BTBD9: variants seen among roughly 807,000 people sequenced by gnomAD.
BTBD9 encodes BTB/POZ domain-containing protein 9.
BTBD9 carries 49 observed loss-of-function variants against 64.3 expected under a neutral mutation model. The observed-to-expected ratio is 0.76, with a 90% CI of 0.61 to 0.97. The LOEUF (loss-of-function observed/expected upper bound fraction) is 0.97. Ranked by LOEUF, BTBD9 falls within the 50% of genes least tolerant of loss-of-function variation. The pLI is 0.00. For missense variants in BTBD9, 598 were observed against 762.1 expected (o/e 0.78, Z 2.53); for synonymous variants, 260 against 274.7 (o/e 0.95, Z 0.53).
intron 9 of BTBD9, among the ~76,000 whole-genome samples, chr6:38,208,862 C>G (rs1762741404): frequency 6.6e-6 from 1 of 152,162 alleles, no homozygotes; most frequent in Non-Finnish European, 1.5e-5. Flanking sequence ...CCAAGTTGAT[C>G]TAACCTGACT....
intron 9 of BTBD9, among the ~76,000 whole-genome samples, chr6:38,196,859 C>G (rs1395257227): frequency 6.6e-6 from 1 of 152,034 alleles, no homozygotes; most frequent in Non-Finnish European, 1.5e-5. Flanking sequence ...GTGCCCAGAC[C>G]CACCCACAAA....
chr6:38,594,977 A>T (rs1554178853), intron 2 of BTBD9, among the ~76,000 whole-genome samples: 1 of 152,194 alleles, frequency 6.6e-6, no homozygotes, highest in Non-Finnish European at 1.5e-5. Context: ...CACTAGTAAA[A>T]ATCTGAATGT....
chr6:38,465,614 G>C (rs9688909), intron 6 of BTBD9, among the ~76,000 whole-genome samples: 1,876 of 147,892 alleles, frequency 0.013, 46 homozygotes, highest in African/African-American at 0.044. Context: ...TTGAATCTGG[G>C]AGGTGGAGCT....
intron 4 of BTBD9, among the ~76,000 whole-genome samples, chr6:38,585,487 T>A (rs557168819): frequency 1.4e-4 from 22 of 152,152 alleles, no homozygotes; most frequent in East Asian, 1.2e-3. Context: ...TTAAAAAAAA[T>A]TTTTTAGAGA....
rs147088462 is a variant in BTBD9 at position 38,405,141 on chromosome 6, T to C, written c.1155-60048A>G. Among the ~76,000 whole-genome samples, 111 of 152,354 alleles carry C rather than the reference T, an allele frequency of 7.3e-4. 4 individuals are homozygous for C. The South Asian group carries it at 0.011, about 16-fold the overall frequency. ...TTTGAGTTGTGCAATTCTAGGAATGTACCATGATCTCTGGCTTCTATCCAG... is the reference window on the plus strand; with the variant it reads ...TTTGAGTTGTGCAATTCTAGGAATGCACCATGATCTCTGGCTTCTATCCAG... On this transcript the variant is annotated intron_variant, in intron 6 of 10. Transcript: ENST00000481247.
chr6:38,312,327 A>G (rs1762869593), intron 7 of BTBD9, among the ~76,000 whole-genome samples: 1 of 152,164 alleles, frequency 6.6e-6, no homozygotes, highest in South Asian at 2.1e-4. Context: ...TCAGGTAAGT[A>G]CTTTGCAAAT....
intron 9 of BTBD9, among the ~76,000 whole-genome samples, chr6:38,229,665 G>A (rs375341101): frequency 2.0e-5 from 3 of 152,134 alleles, no homozygotes; most frequent in African/African-American, 7.2e-5. Flanking sequence ...TGAATTTGTG[G>A]CCAATCAAAA....
intron 6 of BTBD9, among the ~76,000 whole-genome samples, chr6:38,373,544 T>C (rs529008419): frequency 1.3e-5 from 2 of 152,296 alleles, no homozygotes; most frequent in East Asian, 3.9e-4. Context: ...ATAAACTTGT[T>C]TTCTGAAGAC....
chr6:38,448,341 C>G (rs560780266), intron 6 of BTBD9, among the ~76,000 whole-genome samples: 3 of 151,768 alleles, frequency 2.0e-5, no homozygotes, highest in Admixed American at 2.0e-4. Context: ...GGGAAGGTGA[C>G]GGTGGGAGAT....
At chr6:38,625,510 C>T (rs746062605) in intron 1 of BTBD9, among the ~76,000 whole-genome samples, 8 of 152,152 alleles carry the variant, frequency 5.3e-5, no homozygotes, top group Non-Finnish European at 7.3e-5. Flanking sequence ...TGGGTACTCA[C>T]TTTGTGATGG....
intron 9 of BTBD9, among the ~76,000 whole-genome samples, chr6:38,212,378 G>A (rs1762863480): frequency 1.3e-5 from 2 of 152,196 alleles, no homozygotes; most frequent in Admixed American, 6.5e-5. Context: ...GGGCCAGCCT[G>A]CGCTGGGGGA....
At chr6:38,204,335 T>C (rs1047841681) in intron 9 of BTBD9, among the ~76,000 whole-genome samples, 3 of 152,186 alleles carry the variant, frequency 2.0e-5, no homozygotes, top group African/African-American at 7.2e-5. Context: ...CATCAACTGA[T>C]GAATGGATAG....
intron 1 of BTBD9, among the ~76,000 whole-genome samples, chr6:38,605,835 T>C: frequency 6.6e-6 from 1 of 152,174 alleles, no homozygotes; most frequent in East Asian, 1.9e-4. Context: ...ATATTGAGTG[T>C]CAACTTGATT....
intron 9 of BTBD9, among the ~76,000 whole-genome samples, chr6:38,223,897 G>A (rs899180201): frequency 2.6e-5 from 4 of 151,306 alleles, no homozygotes; most frequent in African/African-American, 7.3e-5. Flanking sequence ...AGTTTTTTTG[G>A]AGTGACTAGA....
chr6:38,636,414 A>G (rs1213986820), intron 1 of BTBD9, among the ~76,000 whole-genome samples: 1 of 152,116 alleles, frequency 6.6e-6, no homozygotes, highest in Non-Finnish European at 1.5e-5. Flanking sequence ...CCCCACAGAA[A>G]CCTCAGAATT....
chr6:38,471,228 A>T (rs1770636871), intron 6 of BTBD9, among the ~76,000 whole-genome samples: 1 of 152,190 alleles, frequency 6.6e-6, no homozygotes, highest in African/African-American at 2.4e-5. Context: ...GCTCTGGGTG[A>T]CCTAACTGGC....
intron 7 of BTBD9, among the ~76,000 whole-genome samples, chr6:38,335,461 C>T (rs550462208): frequency 9.7e-4 from 147 of 152,080 alleles, no homozygotes; most frequent in African/African-American, 3.3e-3. Context: ...CCATGTTGGC[C>T]AGGCTGGTCT....
intron 6 of BTBD9, among the ~76,000 whole-genome samples, chr6:38,528,571 A>G (rs1428814322): frequency 6.6e-6 from 1 of 152,224 alleles, no homozygotes; most frequent in African/African-American, 2.4e-5. Context: ...TTGTCTTAAC[A>G]TGGATAACAG....
At chr6:38,493,190 G>A (rs1432550995) in intron 6 of BTBD9, among the ~76,000 whole-genome samples, 1 of 152,190 alleles carries the variant, frequency 6.6e-6, no homozygotes, top group Admixed American at 6.5e-5. Flanking sequence ...AATGTTTAAT[G>A]AGAAAGAATT....
Sources: gnomAD v4.1 joint callset for allele counts (sites outside exome capture counted in the v4.1 genomes callset) on GRCh38, gnomAD v4.1.1 for gene constraint, MANE v1.5 for transcripts, NCBI Gene and HGNC (gene_info 2026-07-23, HGNC 2026-07-21) for gene names.